DYTN: variants seen among roughly 807,000 people sequenced by gnomAD.
The protein encoded by DYTN is dystrotelin.
DYTN carries 75 observed loss-of-function variants against 69.6 expected under a neutral mutation model. The observed-to-expected ratio is 1.08, with a 90% CI of 0.89 to 1.31. DYTN has a LOEUF of 1.31. Ranked by LOEUF, DYTN falls within the 50% of genes most tolerant of loss-of-function variation. The pLI is 0.00. For missense variants in DYTN, 726 were observed against 688.4 expected, an observed-to-expected ratio of 1.05 and a Z score of -0.61; for synonymous variants, 252 against 249.1, an observed-to-expected ratio of 1.01 and a Z score of -0.11.
intron 9 of DYTN, among the ~76,000 whole-genome samples, chr2:206,683,339 C>CTTTTTTTTTTTTTTTTTTT (rs10531348): frequency 2.7e-5 from 3 of 111,934 alleles, no homozygotes; most frequent in Non-Finnish European, 3.7e-5. Flanking sequence ...TTTACTTTTT[C>CTTTTTTTTTTTTTTTTTTT]TTTTTTTTTT....
rs926907908 is a variant in DYTN, at chr2:206,669,477, GT to G, written c.981-3449del. On this transcript the variant is annotated intron_variant, in intron 9 of 11. Coordinates refer to ENST00000452335, the MANE Select transcript of DYTN (RefSeq NM_001093730.1). ...GACAGGAACAAAGATGGAGCTTCAT[GT>G]TTTATTTCATTCAATAATCAGCCTT... Among the ~76,000 whole-genome samples the G allele has an allele frequency of 1.5e-4, 23 of 152,078 alleles. 1 individual carries two copies. The highest frequency in any genetic ancestry group is 5.3e-4 in the African/African-American group (22 of 41,400).
intron 1 of DYTN, among the ~76,000 whole-genome samples, chr2:206,714,295 C>T (rs1029056132): frequency 7.9e-5 from 12 of 152,196 alleles, no homozygotes; most frequent in African/African-American, 2.4e-4. Flanking sequence ...CTCCACCTCC[C>T]GGGTTCATGC....
intron 9 of DYTN, among the ~76,000 whole-genome samples, chr2:206,675,392 C>A (rs936244768): frequency 1.3e-5 from 2 of 149,912 alleles, no homozygotes; most frequent in African/African-American, 4.9e-5. Context: ...TCAAAATAAA[C>A]CAATATTTGA....
chr2:206,705,735 G>C, intron 4 of DYTN, 53 bp downstream of exon 4: 1 of 1,538,740 alleles, frequency 6.5e-7, no homozygotes, highest in Non-Finnish European at 8.9e-7. Flanking sequence ...ATAACAGGTT[G>C]GGGATTTGGG....
intron 7 of DYTN, 92 bp downstream of exon 7, chr2:206,699,635 G>C (rs1699954710): frequency 7.0e-6 from 10 of 1,437,308 alleles, no homozygotes; most frequent in Non-Finnish European, 9.2e-6. Flanking sequence ...AGATGTGTAA[G>C]GAGGACCCCA....
chr2:206,680,144 G>T (rs1342092835), intron 9 of DYTN, among the ~76,000 whole-genome samples: 5 of 152,214 alleles, frequency 3.3e-5, no homozygotes, highest in African/African-American at 1.2e-4. Context: ...GTTCCACATG[G>T]CTGGGGAGGC....
intron 11 of DYTN, 147 bp from the exon 12 acceptor site, chr2:206,652,068 A>T: frequency 6.0e-6 from 4 of 664,154 alleles, no homozygotes; most frequent in Non-Finnish European, 1.0e-5. Flanking sequence ...CCAGCAAATA[A>T]GATGGCTATT....
At chr2:206,680,824 GT>G (rs1222037435) in intron 9 of DYTN, among the ~76,000 whole-genome samples, 2 of 152,116 alleles carry the variant, frequency 1.3e-5, no homozygotes, top group Admixed American at 6.6e-5. Context: ...CAGTTCATCA[GT>G]TTTTCTATGA....
intron 9 of DYTN, among the ~76,000 whole-genome samples, chr2:206,689,725 T>C (rs972207340): frequency 1.3e-5 from 2 of 152,230 alleles, no homozygotes; most frequent in Admixed American, 6.5e-5. Context: ...GCAAAGCTTC[T>C]GTCTCTGTTC....
intron 9 of DYTN, among the ~76,000 whole-genome samples, chr2:206,692,007 G>T (rs1203998713): frequency 2.0e-5 from 3 of 152,172 alleles, no homozygotes; most frequent in Non-Finnish European, 4.4e-5. Context: ...GGGCATGGTG[G>T]CTCGTGCCTG....
intron 11 of DYTN, among the ~76,000 whole-genome samples, chr2:206,659,735 G>T (rs1252129902): frequency 6.6e-6 from 1 of 152,030 alleles, no homozygotes; most frequent in African/African-American, 2.4e-5. Flanking sequence ...AATTGCCAAT[G>T]GCTAAGTGAA....
At chr2:206,674,291 AAAAT>A (rs1472591168) in intron 9 of DYTN, among the ~76,000 whole-genome samples, 2 of 152,148 alleles carry the variant, frequency 1.3e-5, no homozygotes, top group Non-Finnish European at 2.9e-5. Context: ...GAAGATTTGA[AAAAT>A]AAATAAAATG....
Position 206,699,887 on chromosome 2 carries a change from A to T in DYTN, c.559T>A (p.Leu187Met). The change falls in exon 7 of 12, where the codon TTG becomes ATG. Residue 187 changes from leucine (L) to methionine (M), a missense_variant. Leu to Met is a conservative substitution (Grantham distance 15). Coordinates refer to ENST00000452335, the MANE Select transcript of DYTN (RefSeq NM_001093730.1). ...TTTTCTTCTTTGATTGCTGGGCTCA[A>T]CACCTGAAAAACAATGGCACTCTAA... is the stretch of plus-strand genomic sequence containing the variant. ...SATRSCFQGV[L>M]SPAIKEEKFL... 1 of 1,611,706 alleles carries T rather than the reference A, an allele frequency of 6.2e-7. No homozygotes were observed. Among genetic ancestry groups the T allele is most frequent in the South Asian group, 1.1e-5 (1 of 90,582 alleles).
Position 206,707,407 on chromosome 2 carries a change from T to G in DYTN, c.191A>C (p.Gln64Pro), listed in dbSNP as rs528762923. Residue 64 changes from glutamine to proline, a missense_variant, in exon 3 of 12, where the codon CAG becomes CCG. Transcript: ENST00000452335. ...KHSLSVQQLS[Q>P]ALQELFQKAR... ...CTTCTGAAACAGCTCTTGGAGTGCC[T>G]GAGAAAGTTGCTGCACAGAAAGGGA... 3 of 1,613,262 alleles carry G rather than the reference T, an allele frequency of 1.9e-6. No individual in the cohort carries two copies. The highest frequency in any genetic ancestry group is 2.2e-5 in the East Asian group (1 of 44,844).
At chr2:206,670,855 G>C (rs77405454) in intron 9 of DYTN, among the ~76,000 whole-genome samples, 1 of 152,122 alleles carries the variant, frequency 6.6e-6, no homozygotes, top group African/African-American at 2.4e-5. Context: ...CTTCCCCAAA[G>C]GCATCTACAG....
At chr2:206,702,269 G>C (rs2105899963) in intron 5 of DYTN, among the ~76,000 whole-genome samples, 1 of 152,300 alleles carries the variant, frequency 6.6e-6, no homozygotes, top group African/African-American at 2.4e-5. Flanking sequence ...ATTCCCATTT[G>C]GTCACGGGTC....
At chr2:206,700,816 G>A (rs1214615106) in intron 5 of DYTN, among the ~76,000 whole-genome samples, 2 of 152,088 alleles carry the variant, frequency 1.3e-5, no homozygotes. Flanking sequence ...CTGCGTCCAT[G>A]TGTTCTCATT....
chr2:206,699,101 G>T (rs1455616723), intron 7 of DYTN, among the ~76,000 whole-genome samples: 2 of 152,222 alleles, frequency 1.3e-5, no homozygotes, highest in Non-Finnish European at 2.9e-5. Context: ...TTAGGATGAT[G>T]ATGATGATGC....
chr2:206,673,112 G>C (rs979580244), intron 9 of DYTN, among the ~76,000 whole-genome samples: 1 of 152,076 alleles, frequency 6.6e-6, no homozygotes, highest in Non-Finnish European at 1.5e-5. Context: ...GCCCCAGTGT[G>C]TGTTGTTTCC....
Sources: allele counts gnomAD v4.1 joint callset (sites outside exome capture counted in the v4.1 genomes callset), GRCh38; gene constraint gnomAD v4.1.1; transcripts MANE v1.5; gene names NCBI Gene and HGNC (gene_info 2026-07-23, HGNC 2026-07-21).